The following TTC29 variants were observed in gnomAD, a reference collection of about 807,000 sequenced individuals.
TTC29 encodes tetratricopeptide repeat domain 29.
In TTC29, 49 loss-of-function variants were observed where a neutral mutation model predicts 58.1. The ratio of observed to expected loss-of-function variants is 0.84; its 90% CI spans 0.67 to 1.07. The LOEUF (loss-of-function observed/expected upper bound fraction) is 1.07, where lower values mean the gene tolerates loss of function less well. Ranked by LOEUF, TTC29 falls within the 50% of genes least tolerant of loss-of-function variation. The pLI is 0.00. For missense variants in TTC29, 582 were observed against 555.6 expected, an observed-to-expected ratio of 1.05 and a Z score of -0.48; for synonymous variants, 209 against 196.8, an observed-to-expected ratio of 1.06 and a Z score of -0.52.
rs545581951 is a variant in TTC29 at position 146,891,903 on chromosome 4, G to A, written c.586+11641C>T. ...GCTCAAGTGGAACTGGGTGAGAGAT[G>A]CTTTCAGGGTAGATTATCTTGGGGA... is the stretch of plus-strand genomic sequence containing the variant. On this transcript the variant is annotated intron_variant, in intron 6 of 12. Transcript: ENST00000325106. Among the ~76,000 whole-genome samples the A allele has an allele frequency of 1.9e-4, 29 of 152,268 alleles. No individual in the cohort carries two copies. In the South Asian group the frequency reaches 3.7e-3, roughly 20 times the overall value.
intron 11 of TTC29, among the ~76,000 whole-genome samples, chr4:146,717,348 G>A (rs191601457): frequency 8.4e-4 from 128 of 152,180 alleles, no homozygotes; most frequent in African/African-American, 2.8e-3. Context: ...GCACAATCTC[G>A]GTTCACTGCA....
At chr4:146,806,760 G>T (rs1293643939) in intron 10 of TTC29, among the ~76,000 whole-genome samples, 1 of 152,086 alleles carries the variant, frequency 6.6e-6, no homozygotes, top group Non-Finnish European at 1.5e-5. Flanking sequence ...GACCTACAAA[G>T]AGACTTAGAC....
chr4:146,898,431 G>T (rs960755597), intron 6 of TTC29, among the ~76,000 whole-genome samples: 5 of 152,164 alleles, frequency 3.3e-5, no homozygotes, highest in African/African-American at 1.2e-4. Flanking sequence ...ATAAATTTAA[G>T]GATCTGAACT....
chr4:146,926,444 C>A (rs537288520), intron 4 of TTC29, among the ~76,000 whole-genome samples: 1 of 152,116 alleles, frequency 6.6e-6, no homozygotes, highest in East Asian at 1.9e-4. Context: ...TATAATCTGA[C>A]AGCTGTGTAA....
chr4:146,914,105 G>A (rs1157335549), intron 4 of TTC29, among the ~76,000 whole-genome samples: 1 of 151,960 alleles, frequency 6.6e-6, no homozygotes, highest in African/African-American at 2.4e-5. Flanking sequence ...TAATAAATAG[G>A]TTCCTATCTA....
intron 11 of TTC29, among the ~76,000 whole-genome samples, chr4:146,765,385 G>T (rs909939722): frequency 2.6e-5 from 4 of 152,040 alleles, no homozygotes; most frequent in Admixed American, 6.6e-5. Flanking sequence ...TAACATTTAG[G>T]CAAAATGCAT....
At chr4:146,728,815 G>GTGTATATATA (rs1744046280) in intron 11 of TTC29, among the ~76,000 whole-genome samples, 6 of 47,760 alleles carry the variant, frequency 1.3e-4, no homozygotes, top group East Asian at 9.9e-4. Context: ...ACATATATAT[G>GTGTATATATA]TGTATATATA....
At position 146,748,344 on chromosome 4, in the gene TTC29, G is replaced by A. The variant is rs78303147; in HGVS notation, c.1331-40793C>T. Among the ~76,000 whole-genome samples, 561 of 152,258 alleles carry A rather than the reference G, an allele frequency of 3.7e-3. 4 individuals carry two copies. The highest frequency in any genetic ancestry group is 0.013 in the African/African-American group (531 of 41,544). On this transcript the variant is annotated intron_variant, in intron 11 of 12. Coordinates refer to ENST00000325106, the MANE Select transcript of TTC29 (RefSeq NM_031956.4). The stretch of plus-strand genomic sequence containing the variant: ...TACATCCACTCATGTCTTGGAGAGT[G>A]AGCCTGCATCTCAAGTTCCAGATGC...
intron 8 of TTC29, among the ~76,000 whole-genome samples, chr4:146,852,113 C>G (rs1018370660): frequency 6.6e-6 from 1 of 152,164 alleles, no homozygotes; most frequent in African/African-American, 2.4e-5. Flanking sequence ...CCATTTGCAT[C>G]TTCTACTTCT....
intron 4 of TTC29, among the ~76,000 whole-genome samples, chr4:146,915,889 C>A (rs1049725153): frequency 7.9e-5 from 12 of 151,942 alleles, no homozygotes; most frequent in Middle Eastern, 3.4e-3. Flanking sequence ...ATAAAATTTT[C>A]ATTTAATCTG....
At chr4:146,876,284 T>C (rs1419400061) in intron 6 of TTC29, among the ~76,000 whole-genome samples, 1 of 152,194 alleles carries the variant, frequency 6.6e-6, no homozygotes, top group Non-Finnish European at 1.5e-5. Flanking sequence ...AGTAATAATA[T>C]CTTCAGAAAC....
chr4:146,933,310 C>T (rs1446058022), intron 4 of TTC29, among the ~76,000 whole-genome samples: 1 of 152,204 alleles, frequency 6.6e-6, no homozygotes, highest in Non-Finnish European at 1.5e-5. Context: ...TAATATTGAG[C>T]AGATTAACAC....
intron 2 of TTC29, chr4:146,942,640 T>C (rs750225051): frequency 6.5e-6 from 10 of 1,531,926 alleles, no homozygotes; most frequent in South Asian, 1.2e-5. Flanking sequence ...AATGTTACAG[T>C]GAACATCGGA....
At chr4:146,918,053 A>C (rs904694919) in intron 4 of TTC29, among the ~76,000 whole-genome samples, 11 of 151,058 alleles carry the variant, frequency 7.3e-5, no homozygotes, top group African/African-American at 2.7e-4. Context: ...ATTTTATGGA[A>C]TAGAATTTTT....
chr4:146,829,126 C>T (rs10519825), intron 9 of TTC29, among the ~76,000 whole-genome samples: 4,784 of 152,232 alleles, frequency 0.031, 250 homozygotes, highest in African/African-American at 0.11. Context: ...TTCAACCAGA[C>T]CTTAGAGAGT....
chr4:146,808,191 C>G (rs116235808), intron 10 of TTC29, among the ~76,000 whole-genome samples: 4,754 of 152,144 alleles, frequency 0.031, 248 homozygotes, highest in African/African-American at 0.11. Flanking sequence ...ATTAAACATG[C>G]CTTCATGCTA....
chr4:146,762,917 T>C (rs1332851873), intron 11 of TTC29, among the ~76,000 whole-genome samples: 1 of 152,086 alleles, frequency 6.6e-6, no homozygotes, highest in African/African-American at 2.4e-5. Flanking sequence ...TATTTCAACT[T>C]TGAGCTGCAA....
chr4:146,714,665 G>A (rs1742794498), intron 11 of TTC29, among the ~76,000 whole-genome samples: 2 of 151,146 alleles, frequency 1.3e-5, no homozygotes, highest in Admixed American at 6.6e-5. Flanking sequence ...AAAAATGAAG[G>A]CAAAAATAAA....
chr4:146,905,799 T>G (rs1733485164), intron 5 of TTC29, among the ~76,000 whole-genome samples: 1 of 152,220 alleles, frequency 6.6e-6, no homozygotes, highest in Non-Finnish European at 1.5e-5. Flanking sequence ...TACATCAGCA[T>G]GCTGAATGCT....
Sources: gnomAD v4.1 joint callset for allele counts (sites outside exome capture counted in the v4.1 genomes callset) on GRCh38, gnomAD v4.1.1 for gene constraint, MANE v1.5 for transcripts, NCBI Gene and HGNC (gene_info 2026-07-23, HGNC 2026-07-21) for gene names.